DGKI: variants seen among roughly 807,000 people sequenced by gnomAD.
The protein encoded by DGKI is diacylglycerol kinase iota.
DGKI carries 55 observed loss-of-function variants against 147.5 expected under a neutral mutation model. The ratio of observed to expected loss-of-function variants is 0.37; its 90% CI spans 0.30 to 0.47. DGKI has a LOEUF of 0.47. Ranked by LOEUF, DGKI falls within the 20% of genes least tolerant of loss-of-function variation. The pLI, the probability that DGKI is intolerant of heterozygous loss-of-function variation, is 1.00. For missense variants in DGKI, 1,007 were observed against 1,323.8 expected, an observed-to-expected ratio of 0.76 and a Z score of 3.71; for synonymous variants, 469 against 477.1, an observed-to-expected ratio of 0.98 and a Z score of 0.22.
Position 137,618,151 on chromosome 7 carries a change from A to ATATATATATAT in DGKI, c.993+1672_993+1673insATATATATATA. 7.6e-3 allele frequency among the ~76,000 whole-genome samples: 79 copies of ATATATATATAT among 10,448 alleles called. 2 individuals carry two copies. Among genetic ancestry groups the ATATATATATAT allele is most frequent in the African/African-American group, 9.8e-3 (78 of 7,992 alleles). The allele number at this position is 10,448 out of a possible 152,430, so 6.9% of individuals were successfully genotyped here. A position where few individuals can be genotyped will look rare whatever the true frequency, so the allele number is the denominator to read the frequency against. On this transcript the variant is annotated intron_variant, in intron 8 of 32. Coordinates refer to ENST00000614521, the MANE Select transcript of DGKI (RefSeq NM_001321708.2). ...ACTATATATATATATATATATATAT[A>ATATATATATAT]TTTTTTTTTTTTTACTCTATCATTC...
chr7:137,631,187 T>C (rs1039788844), intron 6 of DGKI, among the ~76,000 whole-genome samples: 1 of 152,104 alleles, frequency 6.6e-6, no homozygotes, highest in Non-Finnish European at 1.5e-5. Flanking sequence ...CTGGTAGAAT[T>C]ATCTACACTT....
intron 1 of DGKI, among the ~76,000 whole-genome samples, chr7:137,739,632 G>T (rs371330551): frequency 6.6e-6 from 1 of 152,070 alleles, no homozygotes; most frequent in African/African-American, 2.4e-5. Context: ...AAACTCATTT[G>T]CCCTGCACAC....
At chr7:137,484,259 C>T (rs1158450936) in intron 23 of DGKI, among the ~76,000 whole-genome samples, 1 of 151,974 alleles carries the variant, frequency 6.6e-6, no homozygotes, top group Non-Finnish European at 1.5e-5. Context: ...TAGAAGGCTA[C>T]AAGATATAGG....
At chr7:137,794,930 C>T (rs1002588741) in intron 1 of DGKI, among the ~76,000 whole-genome samples, 7 of 152,216 alleles carry the variant, frequency 4.6e-5, no homozygotes, top group African/African-American at 1.4e-4. Flanking sequence ...CAGACTTCAT[C>T]GTCCAGCTAC....
chr7:137,555,879 T>C (rs1382041274), intron 19 of DGKI, among the ~76,000 whole-genome samples: 1 of 152,138 alleles, frequency 6.6e-6, no homozygotes, highest in South Asian at 2.1e-4. Context: ...TATGATGCTA[T>C]AGCTTTTAAG....
At chr7:137,406,189 T>C (rs1863037) in intron 30 of DGKI, among the ~76,000 whole-genome samples, 109,929 of 151,992 alleles carry the variant, frequency 0.72, 39,782 homozygotes, top group Admixed American at 0.78. Context: ...AATAGGAGAA[T>C]TTTAAACCTG....
chr7:137,676,023 C>T (rs779981556), intron 3 of DGKI, among the ~76,000 whole-genome samples: 10 of 152,196 alleles, frequency 6.6e-5, no homozygotes, highest in Admixed American at 2.0e-4. Flanking sequence ...GCACCCCACT[C>T]TGGGTCCTCT....
intron 3 of DGKI, among the ~76,000 whole-genome samples, chr7:137,672,170 C>T (rs189595148): frequency 6.6e-5 from 10 of 152,334 alleles, no homozygotes; most frequent in African/African-American, 2.4e-4. Flanking sequence ...GCTGTAGACG[C>T]ACCTGTGTGC....
chr7:137,446,531 G>A (rs137991105), intron 27 of DGKI, among the ~76,000 whole-genome samples: 2,905 of 152,136 alleles, frequency 0.019, 107 homozygotes, highest in African/African-American at 0.066. Context: ...TTTGAAACCA[G>A]CCTGGCCAAC....
At chr7:137,568,767 C>T (rs1269899605) in intron 19 of DGKI, among the ~76,000 whole-genome samples, 1 of 152,032 alleles carries the variant, frequency 6.6e-6, no homozygotes, top group Non-Finnish European at 1.5e-5. Context: ...TTCTCATAAA[C>T]CTAGTGCACT....
At chr7:137,677,688 T>C (rs931155555) in intron 3 of DGKI, among the ~76,000 whole-genome samples, 2 of 152,186 alleles carry the variant, frequency 1.3e-5, no homozygotes, top group African/African-American at 4.8e-5. Flanking sequence ...CCCTACATCT[T>C]GCTGCAAATA....
chr7:137,510,817 G>A (rs559910818), intron 21 of DGKI, among the ~76,000 whole-genome samples: 2 of 152,260 alleles, frequency 1.3e-5, no homozygotes, highest in South Asian at 2.1e-4. Flanking sequence ...AGCTGAAGGG[G>A]CCCCAAGCCT....
intron 1 of DGKI, among the ~76,000 whole-genome samples, chr7:137,837,602 G>C (rs994121480): frequency 6.6e-6 from 1 of 152,196 alleles, no homozygotes; most frequent in East Asian, 1.9e-4. Flanking sequence ...TGGGATGAGT[G>C]CCCCTCTAGA....
chr7:137,754,191 C>T (rs747701733), intron 1 of DGKI, among the ~76,000 whole-genome samples: 2 of 152,096 alleles, frequency 1.3e-5, no homozygotes, highest in Non-Finnish European at 2.9e-5. Flanking sequence ...AATGGGGCAC[C>T]CTGTTTTCAT....
At chr7:137,733,047 C>T (rs10269716) in intron 1 of DGKI, among the ~76,000 whole-genome samples, 34,935 of 151,904 alleles carry the variant, frequency 0.23, 7,577 homozygotes, top group African/African-American at 0.56. Context: ...TTAATTACTA[C>T]GTCCACAACC....
chr7:137,469,075 T>G (rs192585244), intron 24 of DGKI, among the ~76,000 whole-genome samples: 20 of 152,338 alleles, frequency 1.3e-4, no homozygotes, highest in African/African-American at 4.6e-4. Flanking sequence ...CAATATATCA[T>G]GCGGATCTGA....
In DGKI at chr7:137,678,629, G is replaced by A. The variant is rs1490635923; in HGVS notation, c.534C>T (p.His178=). ...DWSENAVNGE[H]LWLETNVSGD... ...CCGAGACGTTGGTCTCCAGCCACAG[G>A]TGTTCTCCATTCACGGCATTCTCCT... The change falls in exon 3 of 33, where the codon CAC becomes CAT. Residue 178 remains histidine, a synonymous_variant. Coordinates refer to ENST00000614521, the MANE Select transcript of DGKI (RefSeq NM_001321708.2). 12 of 1,614,064 alleles carry A rather than the reference G, an allele frequency of 7.4e-6. No individual in the cohort carries two copies. The highest frequency in any genetic ancestry group is 1.0e-5 in the Non-Finnish European group (12 of 1,180,006).
intron 2 of DGKI, among the ~76,000 whole-genome samples, chr7:137,679,867 G>C (rs1335407906): frequency 6.6e-6 from 1 of 151,292 alleles, no homozygotes; most frequent in Admixed American, 6.6e-5. Flanking sequence ...GTGGGCGCCT[G>C]TTAATCCCAG....
chr7:137,705,839 C>G (rs1026069493), intron 1 of DGKI, among the ~76,000 whole-genome samples: 1 of 151,902 alleles, frequency 6.6e-6, no homozygotes, highest in African/African-American at 2.4e-5. Flanking sequence ...CTCTGATATT[C>G]AATGTGATCA....
Sources: gnomAD v4.1 joint callset for allele counts (sites outside exome capture counted in the v4.1 genomes callset) on GRCh38, gnomAD v4.1.1 for gene constraint, MANE v1.5 for transcripts, NCBI Gene and HGNC (gene_info 2026-07-23, HGNC 2026-07-21) for gene names.